Variants in UBE2J2 observed in about 807,000 individuals in gnomAD.
The protein encoded by UBE2J2 is ubiquitin-conjugating enzyme E2 J2.
UBE2J2 carries 5 observed loss-of-function variants against 28.6 expected under a neutral mutation model. That is an observed-to-expected ratio of 0.17 (90% CI 0.09 to 0.37). The LOEUF (loss-of-function observed/expected upper bound fraction) is 0.37. Among genes scored for constraint, UBE2J2 ranks in the 10% least tolerant of loss-of-function variants. The pLI is 1.00. For synonymous variants in UBE2J2, 138 were observed against 139.7 expected (o/e 0.99, Z 0.09); for missense variants, 226 against 338.9 (o/e 0.67, Z 2.62).
intron 1 of UBE2J2, among the ~76,000 whole-genome samples, chr1:1,271,108 T>A (rs1640123596): frequency 6.6e-6 from 1 of 152,220 alleles, no homozygotes; most frequent in Non-Finnish European, 1.5e-5. Flanking sequence ...AGGGCCCTTC[T>A]GGGCCCCAGC....
rs1006692576 is a variant in UBE2J2 at position 1,254,317 on chromosome 1, G to A, written c.*886C>T. 4 of 152,300 alleles carry A rather than the reference G, an allele frequency of 2.6e-5. No individual in the cohort carries two copies. Among genetic ancestry groups the A allele is most frequent in the African/African-American group, 9.6e-5 (4 of 41,472 alleles). The allele number at this position is 152,300 out of a possible 1,614,324, so 9.4% of individuals were successfully genotyped here. ...ACCTACTGTGAAGGCCAGCGCAGGGGGCACGGGATGTGAGGGAGGCCCCCG... is the reference window on the plus strand; with the variant it reads ...ACCTACTGTGAAGGCCAGCGCAGGGAGCACGGGATGTGAGGGAGGCCCCCG... On this transcript the variant is annotated 3_prime_UTR_variant, in exon 7 of 7. Transcript: ENST00000349431.
At chr1:1,257,393 ACCC>A (rs1194870542) in intron 3 of UBE2J2, 83 bp from the exon 4 acceptor site, 15,631 of 210,452 alleles carry the variant, frequency 0.074, 68 homozygotes, top group Non-Finnish European at 0.084. Flanking sequence ...CCCCCACGCC[ACCC>A]CCCCCCCCCC....
rs76784742 is a variant in UBE2J2 at position 1,268,352 on chromosome 1, C to T, written c.1-360G>A. Among the ~76,000 whole-genome samples, 4,532 of 152,226 alleles carry T rather than the reference C, an allele frequency of 0.03. 206 individuals are homozygous for T. The highest frequency in any genetic ancestry group is 0.1 in the African/African-American group (4,303 of 41,500). ...TCAGACCAGCTCCTGAGGGCAGCTACTCGCACCTTCCAACTCAGCTCAAGG... is the reference window on the plus strand; with the variant it reads ...TCAGACCAGCTCCTGAGGGCAGCTATTCGCACCTTCCAACTCAGCTCAAGG... On this transcript the variant is annotated intron_variant, in intron 1 of 6. Coordinates refer to ENST00000349431, the MANE Select transcript of UBE2J2 (RefSeq NM_058167.3). The surrounding 1 kb of genome is among the most constrained non-coding windows in gnomAD (Gnocchi z 4.7).
At chr1:1,262,634 TGACCTG>T (rs1639630503) in intron 3 of UBE2J2, among the ~76,000 whole-genome samples, 1 of 152,234 alleles carries the variant, frequency 6.6e-6, no homozygotes, top group African/African-American at 2.4e-5. Context: ...CAGCAACTGC[TGACCTG>T]GCCCTGCTCT....
chr1:1,257,329 G>GA lies in UBE2J2; in HGVS notation c.173-20dup, dbSNP rs780321515. Reference sequence around the variant, plus strand: ...TAGCCACCTACATGGAAACAAAACAGAAAGGGCCTTGTCGTCCGCCACAGC... The same window carrying GA: ...TAGCCACCTACATGGAAACAAAACAGAAAAGGGCCTTGTCGTCCGCCACAGC... On this transcript the variant is annotated intron_variant, in intron 3 of 6. Coordinates refer to ENST00000349431, the MANE Select transcript of UBE2J2 (RefSeq NM_058167.3). The GA allele has an allele frequency of 9.2e-6, 14 of 1,523,866 alleles. No individual in the cohort carries two copies. In the African/African-American group the frequency reaches 1.8e-4, roughly 20 times the overall value. The allele number at this position is 1,523,866 out of a possible 1,614,324, so 94.4% of individuals were successfully genotyped here. A position where few individuals can be genotyped will look rare whatever the true frequency, so the allele number is the denominator to read the frequency against.
At position 1,255,283 on chromosome 1, in the gene UBE2J2, C is replaced by T. The variant is rs994311598; in HGVS notation, c.700G>A (p.Ala234Thr). 6.2e-7 allele frequency: 1 copy of T among 1,613,512 alleles called. No homozygotes were observed. The highest frequency in any genetic ancestry group is 1.1e-5 in the South Asian group (1 of 91,062). Residue 234 changes from alanine (A) to threonine (T), a missense_variant, in exon 7 of 7, where the codon GCG (alanine) becomes ACG (threonine). Around this residue, in one of 3 missense-constraint regions of UBE2J2, gnomAD observed 133 missense variants for 161.5 expected, o/e 0.82. Transcript: ENST00000349431. ...AACCCAACTATCACAAACAAGTTCG[C>T]CAGGGCGCCACCCAGGAGTCCGTGG... ...RHHGLLGGAL[A>T]NLFVIVGFAA...
intron 2 of UBE2J2, among the ~76,000 whole-genome samples, chr1:1,266,711 C>T (rs1639890937): frequency 3.3e-5 from 5 of 151,694 alleles, no homozygotes; most frequent in Admixed American, 2.6e-4. Context: ...CCTGTAGTCC[C>T]AGCTACTTGG....
chr1:1,263,810 T>C (rs564569641), intron 2 of UBE2J2, among the ~76,000 whole-genome samples: 2 of 150,436 alleles, frequency 1.3e-5, no homozygotes, highest in South Asian at 2.2e-4. Context: ...CTAGGCAACA[T>C]AGCAAGACCC....
intron 5 of UBE2J2, among the ~76,000 whole-genome samples, chr1:1,256,580 A>G (rs1570535381): frequency 6.6e-6 from 1 of 152,276 alleles, no homozygotes; most frequent in Non-Finnish European, 1.5e-5. Flanking sequence ...AGCCCCGCCT[A>G]CTGAGAAGAA....
chr1:1,259,025 T>G (rs555259068), intron 3 of UBE2J2, among the ~76,000 whole-genome samples: 1 of 150,772 alleles, frequency 6.6e-6, no homozygotes, highest in African/African-American at 2.4e-5. Flanking sequence ...TGTGTGCGTG[T>G]CTGAGTGTGT....
At chr1:1,258,308 T>TG (rs891797619) in intron 3 of UBE2J2, among the ~76,000 whole-genome samples, 4 of 152,158 alleles carry the variant, frequency 2.6e-5, no homozygotes, top group Non-Finnish European at 5.9e-5. Flanking sequence ...CCCAAGGTGC[T>TG]GGGATTATAG....
chr1:1,259,886 G>A (rs1408131532), intron 3 of UBE2J2, among the ~76,000 whole-genome samples: 8 of 152,182 alleles, frequency 5.3e-5, no homozygotes, highest in Admixed American at 5.2e-4. Context: ...TAAAGGGTCG[G>A]CCTGGGGGTT....
chr1:1,272,592 C>T (rs1261673880), intron 1 of UBE2J2, among the ~76,000 whole-genome samples: 1 of 152,186 alleles, frequency 6.6e-6, no homozygotes, highest in Non-Finnish European at 1.5e-5. Flanking sequence ...GGACACTCAC[C>T]TGCGACTCAC....
At chr1:1,258,805 T>C (rs1027709626) in intron 3 of UBE2J2, among the ~76,000 whole-genome samples, 6 of 152,236 alleles carry the variant, frequency 3.9e-5, no homozygotes, top group African/African-American at 1.4e-4. Context: ...TGGCTTCCCC[T>C]GGCCCTGCTC....
chr1:1,257,385 CCCA>C (rs1639252660), intron 3 of UBE2J2, 75 bp from the exon 4 acceptor site: 5 of 672,308 alleles, frequency 7.4e-6, no homozygotes, highest in Admixed American at 7.4e-5. Flanking sequence ...TCCCCATCCC[CCCA>C]CGCCACCCCC....
intron 2 of UBE2J2, among the ~76,000 whole-genome samples, chr1:1,266,974 C>T (rs770828703): frequency 5.9e-5 from 9 of 151,870 alleles, no homozygotes; most frequent in Non-Finnish European, 1.2e-4. Context: ...CTGCAAGCTC[C>T]GCCTCCCGGG....
chr1:1,272,280 G>C (rs1640192916), intron 1 of UBE2J2, among the ~76,000 whole-genome samples: 1 of 152,192 alleles, frequency 6.6e-6, no homozygotes, highest in Non-Finnish European at 1.5e-5. Flanking sequence ...AGAAAGAGTT[G>C]GCGATTTTAA....
rs1050075204 is a variant in UBE2J2 at position 1,266,175 on chromosome 1, C to T, written c.131+1687G>A. On this transcript the variant is annotated intron_variant, in intron 2 of 6. Coordinates refer to ENST00000349431, the MANE Select transcript of UBE2J2 (RefSeq NM_058167.3). ...GCACTCTGGTGGCCAAGGGGCTCCG[C>T]CTCACCCTGGGTATCCTCCGCCTGC... 3 of 1,299,098 alleles carry T rather than the reference C, an allele frequency of 2.3e-6. No homozygotes were observed. The Admixed American group carries it at 6.9e-5, about 30-fold the overall frequency. The allele number at this position is 1,299,098 out of a possible 1,614,324, so 80.5% of individuals were successfully genotyped here. A position where few individuals can be genotyped will look rare whatever the true frequency, so the allele number is the denominator to read the frequency against.
At position 1,271,999 on chromosome 1, in the gene UBE2J2, A is replaced by ATAAAAAAT. The variant is rs1557570848; in HGVS notation, c.-1+1666_-1+1667insATTTTTTA. Among the ~76,000 whole-genome samples, 511 of 146,902 alleles carry ATAAAAAAT rather than the reference A, an allele frequency of 3.5e-3. 10 individuals are homozygous for ATAAAAAAT. Among genetic ancestry groups the ATAAAAAAT allele is most frequent in the African/African-American group, 0.013 (483 of 37,752 alleles). ...CAAAAAAAAAAAAAAAAAAAAAAAAAAAAAATTAGCCGGGTGTGGTGGTGG... is the reference window on the plus strand; with the variant it reads ...CAAAAAAAAAAAAAAAAAAAAAAAAATAAAAAATAAAAATTAGCCGGGTGTGGTGGTGG... On this transcript the variant is annotated intron_variant, in intron 1 of 6. Transcript: ENST00000349431.
Sources: gnomAD v4.1 joint callset for allele counts (sites outside exome capture counted in the v4.1 genomes callset) on GRCh38, gnomAD v4.1.1 for gene constraint, gnomAD v4.1.1 regional missense constraint, Gnocchi (gnomAD v3.1) non-coding constraint, MANE v1.5 for transcripts, NCBI Gene and HGNC (gene_info 2026-07-23, HGNC 2026-07-21) for gene names.